DLG2: variants seen among roughly 807,000 people sequenced by gnomAD.
DLG2 encodes disks large homolog 2.
DLG2 carries 45 observed loss-of-function variants against 132.5 expected under a neutral mutation model. That is an observed-to-expected ratio of 0.34 (90% confidence interval 0.27 to 0.44). The LOEUF (loss-of-function observed/expected upper bound fraction) is 0.44. Among genes scored for constraint, DLG2 ranks in the 20% least tolerant of loss-of-function variants. The pLI is 1.00. For synonymous variants in DLG2, 424 were observed against 419.6 expected (o/e 1.01, Z -0.13); for missense variants, 1,045 against 1,196.9 (o/e 0.87, Z 1.87).
chr11:84,570,572 A>G (rs77148531), intron 6 of DLG2, among the ~76,000 whole-genome samples: 9,965 of 152,214 alleles, frequency 0.065, 381 homozygotes, highest in South Asian at 0.1. Context: ...TCCATAGCAC[A>G]TAAGAACGAC....
chr11:83,738,059 T>C (rs1437738005), intron 18 of DLG2, among the ~76,000 whole-genome samples: 1 of 152,170 alleles, frequency 6.6e-6, no homozygotes, highest in Non-Finnish European at 1.5e-5. Flanking sequence ...GGATAGCTTA[T>C]GAAACAGGGT....
At chr11:84,172,787 C>T (rs2095854270) in intron 8 of DLG2, among the ~76,000 whole-genome samples, 2 of 152,106 alleles carry the variant, frequency 1.3e-5, no homozygotes, top group South Asian at 2.1e-4. Flanking sequence ...GGTGATCCAA[C>T]CGCCTTGGCC....
intron 3 of DLG2, among the ~76,000 whole-genome samples, chr11:85,446,129 T>C (rs1221202149): frequency 6.6e-6 from 1 of 152,188 alleles, no homozygotes; most frequent in Non-Finnish European, 1.5e-5. Context: ...AAAAATAAAA[T>C]GTTGGTATGG....
At chr11:84,245,951 G>A (rs370300062) in intron 8 of DLG2, among the ~76,000 whole-genome samples, 4 of 152,148 alleles carry the variant, frequency 2.6e-5, no homozygotes, top group East Asian at 1.9e-4. Flanking sequence ...ATTGGGTGTT[G>A]GTGGATGTAA....
intron 3 of DLG2, among the ~76,000 whole-genome samples, chr11:85,487,600 A>G (rs1340467904): frequency 6.6e-6 from 1 of 152,030 alleles, no homozygotes; most frequent in South Asian, 2.1e-4. Flanking sequence ...ACTTGAAGAC[A>G]GGTATTTTGA....
At chr11:84,654,793 G>A (rs1339187305) in intron 6 of DLG2, among the ~76,000 whole-genome samples, 1 of 152,116 alleles carries the variant, frequency 6.6e-6, no homozygotes, top group Non-Finnish European at 1.5e-5. Context: ...AGTAGTGTGT[G>A]CTGGCATGAA....
At chr11:85,103,066 AG>A (rs1214038272) in intron 6 of DLG2, among the ~76,000 whole-genome samples, 1 of 151,972 alleles carries the variant, frequency 6.6e-6, no homozygotes, top group Non-Finnish European at 1.5e-5. Context: ...TAGCAAAAGA[AG>A]GGCAAAACTT....
chr11:84,759,900 T>C (rs144279081), intron 6 of DLG2, among the ~76,000 whole-genome samples: 2 of 152,304 alleles, frequency 1.3e-5, no homozygotes, highest in East Asian at 1.9e-4. Flanking sequence ...TTGTAGTAAC[T>C]ATGGTATCGG....
At chr11:83,768,853 T>A (rs2094257849) in intron 18 of DLG2, among the ~76,000 whole-genome samples, 1 of 152,336 alleles carries the variant, frequency 6.6e-6, no homozygotes, top group East Asian at 1.9e-4. Flanking sequence ...AAGATCTGGC[T>A]GTTGGCCCCC....
At chr11:85,290,848 C>T (rs1328612145) in intron 3 of DLG2, among the ~76,000 whole-genome samples, 1 of 152,094 alleles carries the variant, frequency 6.6e-6, no homozygotes, top group Non-Finnish European at 1.5e-5. Flanking sequence ...ATGATTCTGA[C>T]ACAGTTAGGT....
chr11:83,803,971 T>C (rs2045219106), intron 17 of DLG2, among the ~76,000 whole-genome samples: 1 of 152,166 alleles, frequency 6.6e-6, no homozygotes, highest in Admixed American at 6.6e-5. Context: ...GATGACATTC[T>C]TTTGTGTTTG....
At chr11:84,876,230 A>C (rs2086326108) in intron 6 of DLG2, among the ~76,000 whole-genome samples, 1 of 152,048 alleles carries the variant, frequency 6.6e-6, no homozygotes, top group African/African-American at 2.4e-5. Context: ...ATAAGAAATA[A>C]ATTGTTTGGA....
At chr11:83,633,016 C>G (rs769024790) in intron 19 of DLG2, 195 bp downstream of exon 19, 42 of 538,482 alleles carry the variant, frequency 7.8e-5, no homozygotes, top group Middle Eastern at 4.1e-4. Context: ...TTGATAAAAG[C>G]AGGCACCTTT....
intron 14 of DLG2, among the ~76,000 whole-genome samples, chr11:83,936,427 T>C (rs1018795496): frequency 6.6e-6 from 1 of 152,222 alleles, no homozygotes; most frequent in Non-Finnish European, 1.5e-5. Context: ...AATGGTTTGC[T>C]TTCCCGTATG....
chr11:85,521,274 A>G (rs2074291806), intron 3 of DLG2, among the ~76,000 whole-genome samples: 2 of 152,136 alleles, frequency 1.3e-5, no homozygotes, highest in Non-Finnish European at 2.9e-5. Flanking sequence ...AAGATCTGAC[A>G]GCTTTGTGAG....
chr11:85,568,561 T>C (rs1473036858), intron 3 of DLG2, among the ~76,000 whole-genome samples: 1 of 152,140 alleles, frequency 6.6e-6, no homozygotes, highest in East Asian at 1.9e-4. Context: ...TTTTTTGTGG[T>C]TGGAGGTTTT....
intron 3 of DLG2, among the ~76,000 whole-genome samples, chr11:85,533,989 T>C (rs1310136999): frequency 2.0e-5 from 3 of 152,192 alleles, no homozygotes; most frequent in Non-Finnish European, 2.9e-5. Context: ...TTTTTTGTTT[T>C]TTGTTTGTTT....
At chr11:85,029,530 T>G (rs2060833720) in intron 6 of DLG2, among the ~76,000 whole-genome samples, 1 of 152,228 alleles carries the variant, frequency 6.6e-6, no homozygotes, top group Non-Finnish European at 1.5e-5. Flanking sequence ...TTGAGAATTC[T>G]CAGTGCTAGC....
Position 84,857,652 on chromosome 11 carries a change from C to T in DLG2, c.357+254009G>A, listed in dbSNP as rs139455764. The stretch of plus-strand genomic sequence containing the variant: ...ATATTCTTCATACTTTATTTAGTCC[C>T]TATTTTAAAAATTATTCCCACTTTG... On this transcript the variant is annotated intron_variant, in intron 6 of 27. Transcript: ENST00000376104. 2.3e-3 allele frequency among the ~76,000 whole-genome samples: 348 copies of T among 152,100 alleles called. 1 individual carries two copies. Among genetic ancestry groups the T allele is most frequent in the Non-Finnish European group, 3.8e-3 (256 of 67,972 alleles).
Sources: gnomAD v4.1 joint callset for allele counts (sites outside exome capture counted in the v4.1 genomes callset) on GRCh38, gnomAD v4.1.1 for gene constraint, MANE v1.5 for transcripts, NCBI Gene and HGNC (gene_info 2026-07-23, HGNC 2026-07-21) for gene names.